Variants in ANKRD30B observed in about 807,000 individuals in gnomAD.
The protein encoded by ANKRD30B is ankyrin repeat domain 30B, also known as ankyrin repeat domain-containing protein 30B.
ANKRD30B carries 144 observed loss-of-function variants against 202.2 expected under a neutral mutation model. The ratio of observed to expected loss-of-function variants is 0.71; its 90% CI spans 0.62 to 0.82. The LOEUF (loss-of-function observed/expected upper bound fraction) is 0.82, where lower values mean the gene tolerates loss of function less well. Among genes scored for constraint, ANKRD30B ranks in the 40% least tolerant of loss-of-function variants. The pLI is 0.00. For missense variants in ANKRD30B, 1,487 were observed against 1,669.1 expected, an observed-to-expected ratio of 0.89 and a Z score of 1.90; for synonymous variants, 508 against 561.3, an observed-to-expected ratio of 0.91 and a Z score of 1.34.
intron 15 of ANKRD30B, among the ~76,000 whole-genome samples, chr18:14,791,192 G>GTGTT (rs1568014979): frequency 6.6e-6 from 1 of 152,102 alleles, no homozygotes; most frequent in Non-Finnish European, 1.5e-5. Context: ...GGTGTTTATA[G>GTGTT]TATTCTCTGA....
At chr18:14,862,284 T>A in the ANKRD30B span, among the ~76,000 whole-genome samples, 2 of 136,002 alleles carry the variant, frequency 1.5e-5, no homozygotes, top group African/African-American at 5.2e-5. Context: ...AGAGAATAAG[T>A]TAATGAAATT....
At chr18:14,878,265 A>G in the ANKRD30B span, among the ~76,000 whole-genome samples, 1 of 152,214 alleles carries the variant, frequency 6.6e-6, no homozygotes, top group Non-Finnish European at 1.5e-5. Context: ...TGGAAATAGA[A>G]GGACAAAACG....
chr18:14,827,097 G>T (rs1321816897), intron 32 of ANKRD30B, among the ~76,000 whole-genome samples: 4 of 152,110 alleles, frequency 2.6e-5, no homozygotes, highest in Non-Finnish European at 4.4e-5. Context: ...ATTATTTCTT[G>T]CTGTCTGACC....
the ANKRD30B span, among the ~76,000 whole-genome samples, chr18:14,875,059 G>A: frequency 6.6e-6 from 1 of 152,126 alleles, no homozygotes; most frequent in Non-Finnish European, 1.5e-5. Flanking sequence ...AGTGAAATAT[G>A]AGCAGACGTT....
intron 11 of ANKRD30B, among the ~76,000 whole-genome samples, chr18:14,780,881 G>A (rs1254008947): frequency 6.6e-6 from 1 of 152,152 alleles, no homozygotes; most frequent in Non-Finnish European, 1.5e-5. Context: ...GTTTTAAAAA[G>A]TAGAAATTAT....
chr18:14,825,966 A>G (rs2143030256), intron 32 of ANKRD30B, among the ~76,000 whole-genome samples: 1 of 152,094 alleles, frequency 6.6e-6, no homozygotes, highest in East Asian at 1.9e-4. Flanking sequence ...TCAACAGAAA[A>G]GTGCAAACAG....
Position 14,799,233 on chromosome 18 carries a change from G to A in ANKRD30B, c.2069G>A (p.Gly690Glu). Residue 690 changes from glycine to glutamate, a missense_variant, in exon 22 of 44, where the codon GGA becomes GAA. Physicochemically the swap from Gly to Glu is moderately conservative, Grantham distance 98. Transcript: ENST00000690538. ...DNDGLLKPTCGRKVSLPNKAL... is the reference protein window; with the variant it reads ...DNDGLLKPTCERKVSLPNKAL... The stretch of plus-strand genomic sequence containing the variant: ...TCCAAACCCATTTAGCCTACCTGTG[G>A]AAGGAAAGTTTCTCTTCCAAATAAA... The A allele has an allele frequency of 1.3e-6, 2 of 1,568,808 alleles. No individual in the cohort carries two copies. The highest frequency in any genetic ancestry group is 1.7e-6 in the Non-Finnish European group (2 of 1,159,222).
the ANKRD30B span, among the ~76,000 whole-genome samples, chr18:14,911,059 A>G: frequency 6.6e-6 from 1 of 151,796 alleles, no homozygotes; most frequent in South Asian, 2.1e-4. Context: ...ATTTTTTTCC[A>G]TTCTGTAGGT....
intron 16 of ANKRD30B, among the ~76,000 whole-genome samples, chr18:14,793,055 G>C (rs71364862): frequency 6.6e-6 from 1 of 152,106 alleles, no homozygotes; most frequent in African/African-American, 2.4e-5. Context: ...GGCTAATTAA[G>C]TTTGCTGTTC....
At chr18:14,760,092 C>G (rs1915017651) in intron 5 of ANKRD30B, among the ~76,000 whole-genome samples, 1 of 152,106 alleles carries the variant, frequency 6.6e-6, no homozygotes, top group South Asian at 2.1e-4. Context: ...CAATAAGATT[C>G]AAGAATAAAT....
In ANKRD30B at chr18:14,851,495, T is replaced by A; in HGVS notation, c.3565-14T>A. On this transcript the variant is annotated splice_polypyrimidine_tract_variant and intron_variant, in intron 41 of 43. Coordinates refer to ENST00000690538, the MANE Select transcript of ANKRD30B (RefSeq NM_001367607.2). The stretch of plus-strand genomic sequence containing the variant: ...TATTGAGTGCTAGTTAAATTTTTAT[T>A]TTGTTTTATTTAGGTTTCTCACACT... 3 of 1,494,360 alleles carry A rather than the reference T, an allele frequency of 2.0e-6. No homozygotes were observed. Among genetic ancestry groups the A allele is most frequent in the Non-Finnish European group, 1.8e-6 (2 of 1,124,012 alleles). The allele number at this position is 1,494,360 out of a possible 1,614,324, so 92.6% of individuals were successfully genotyped here. A position where few individuals can be genotyped will look rare whatever the true frequency, so the allele number is the denominator to read the frequency against.
intron 7 of ANKRD30B, among the ~76,000 whole-genome samples, chr18:14,767,528 A>G (rs1916441168): frequency 6.6e-6 from 1 of 152,140 alleles, no homozygotes; most frequent in African/African-American, 2.4e-5. Flanking sequence ...GTGAGATGAT[A>G]TAATGCCTAT....
At chr18:14,826,693 T>TCTCTCACACACACACACA (rs762792279) in intron 32 of ANKRD30B, among the ~76,000 whole-genome samples, 21 of 125,044 alleles carry the variant, frequency 1.7e-4, no homozygotes, top group East Asian at 1.0e-3. Flanking sequence ...TCTCTCTCTC[T>TCTCTCACACACACACACA]CACACACACA....
At chr18:14,788,282 G>A (rs1434888518) in intron 15 of ANKRD30B, among the ~76,000 whole-genome samples, 1 of 152,142 alleles carries the variant, frequency 6.6e-6, no homozygotes, top group African/African-American at 2.4e-5. Context: ...ATGCACGTGT[G>A]AATTTTTTCA....
intron 24 of ANKRD30B, among the ~76,000 whole-genome samples, chr18:14,807,443 A>C (rs544449087): frequency 3.3e-5 from 5 of 150,060 alleles, no homozygotes; most frequent in African/African-American, 1.2e-4. Context: ...TATTTTCAAT[A>C]ACCATTATTC....
the ANKRD30B span, among the ~76,000 whole-genome samples, chr18:14,922,850 C>A: frequency 6.6e-6 from 1 of 152,042 alleles, no homozygotes; most frequent in Non-Finnish European, 1.5e-5. Flanking sequence ...CTCACAGCAA[C>A]AAAAGTGACT....
chr18:14,879,121 C>T, the ANKRD30B span, among the ~76,000 whole-genome samples: 6 of 152,116 alleles, frequency 3.9e-5, no homozygotes, highest in Non-Finnish European at 8.8e-5. Context: ...ACAGACCTTG[C>T]GGGCACTGCC....
chr18:14,925,692 AT>A, the ANKRD30B span, among the ~76,000 whole-genome samples: 7 of 152,174 alleles, frequency 4.6e-5, no homozygotes, highest in Admixed American at 1.3e-4. Flanking sequence ...CACAGCCCAG[AT>A]GGTGGGCTGT....
At chr18:14,811,284 G>A (rs565682014) in intron 28 of ANKRD30B, among the ~76,000 whole-genome samples, 1 of 151,316 alleles carries the variant, frequency 6.6e-6, no homozygotes, top group African/African-American at 2.4e-5. Flanking sequence ...TGATCTTGGC[G>A]CACTGCAAGC....
Sources: gnomAD v4.1 joint callset for allele counts (sites outside exome capture counted in the v4.1 genomes callset) on GRCh38, gnomAD v4.1.1 for gene constraint, MANE v1.5 for transcripts, NCBI Gene and HGNC (gene_info 2026-07-23, HGNC 2026-07-21) for gene names.